The following IMMP2L variants were observed in gnomAD, a reference collection of about 807,000 sequenced individuals.
The protein encoded by IMMP2L is inner mitochondrial membrane peptidase subunit 2, also known as mitochondrial inner membrane protease subunit 2.
A neutral mutation model predicts 19.3 loss-of-function variants in IMMP2L; 18 were observed. That is an observed-to-expected ratio of 0.93 (90% CI 0.64 to 1.38). The LOEUF is 1.38. IMMP2L is among the 40% of genes most tolerant of loss of function. The probability of loss-of-function intolerance (pLI) is 0.00; values close to 1 mark genes in which losing one functional copy is unlikely to be tolerated. For synonymous variants in IMMP2L, 76 were observed against 73.0 expected (o/e 1.04, Z -0.21); for missense variants, 233 against 218.2 (o/e 1.07, Z -0.43).
At chr7:111,545,467 C>T (rs1311022661) in intron 1 of IMMP2L, among the ~76,000 whole-genome samples, 3 of 152,046 alleles carry the variant, frequency 2.0e-5, no homozygotes, top group Non-Finnish European at 2.9e-5. Flanking sequence ...CTCAGCTCAC[C>T]GCAACCTCTG....
chr7:111,284,457 GA>G lies in IMMP2L; in HGVS notation c.239+202780del, dbSNP rs374346347. On this transcript the variant is annotated intron_variant, in intron 3 of 5. Transcript: ENST00000405709. ...GGAGTAGGACTGAGAAATTGGCCAAGAAAAAAAAAATGTATTTAGTTCATGG... is the reference window on the plus strand; with the variant it reads ...GGAGTAGGACTGAGAAATTGGCCAAGAAAAAAAAATGTATTTAGTTCATGG... 6.7e-5 allele frequency among the ~76,000 whole-genome samples: 10 copies of G among 148,262 alleles called. No homozygotes were observed. In the South Asian group the frequency reaches 8.5e-4, roughly 13 times the overall value.
intron 4 of IMMP2L, among the ~76,000 whole-genome samples, chr7:110,938,878 C>T (rs878873217): frequency 6.6e-6 from 1 of 151,982 alleles, no homozygotes; most frequent in South Asian, 2.1e-4. Context: ...CTTTTATATG[C>T]AAATAATTTT....
intron 5 of IMMP2L, among the ~76,000 whole-genome samples, chr7:110,834,538 C>T (rs541418332): frequency 1.3e-5 from 2 of 152,148 alleles, no homozygotes; most frequent in Non-Finnish European, 2.9e-5. Flanking sequence ...AAGCTTTGTG[C>T]TCCGTCCTTC....
intron 3 of IMMP2L, among the ~76,000 whole-genome samples, chr7:111,413,928 T>C (rs1563161799): frequency 3.3e-5 from 5 of 151,736 alleles, no homozygotes; most frequent in African/African-American, 1.2e-4. Context: ...ATCACAAAGA[T>C]ACCCAGTGAT....
At chr7:110,935,167 C>T (rs1248707149) in intron 4 of IMMP2L, among the ~76,000 whole-genome samples, 2 of 152,134 alleles carry the variant, frequency 1.3e-5, no homozygotes, top group African/African-American at 4.8e-5. Flanking sequence ...GTGCTTCCTT[C>T]AGGAGCTCTT....
At chr7:110,948,757 G>A (rs1024612378) in intron 4 of IMMP2L, among the ~76,000 whole-genome samples, 2 of 152,156 alleles carry the variant, frequency 1.3e-5, no homozygotes, top group Non-Finnish European at 2.9e-5. Flanking sequence ...ACTGGTAAAG[G>A]TTTATTTCTG....
chr7:111,349,100 A>G (rs564477573), intron 3 of IMMP2L, among the ~76,000 whole-genome samples: 47 of 152,192 alleles, frequency 3.1e-4, no homozygotes, highest in Admixed American at 6.6e-4. Flanking sequence ...TGCCATGAGG[A>G]AAAAAATGAT....
intron 1 of IMMP2L, among the ~76,000 whole-genome samples, chr7:111,556,588 G>T (rs1187080974): frequency 6.9e-6 from 1 of 144,256 alleles, no homozygotes; most frequent in Non-Finnish European, 1.5e-5. Context: ...CCACTACAAT[G>T]AAACCAGTGA....
At chr7:111,102,636 G>A (rs1156366078) in intron 3 of IMMP2L, among the ~76,000 whole-genome samples, 3 of 151,538 alleles carry the variant, frequency 2.0e-5, no homozygotes, top group Non-Finnish European at 4.4e-5. Context: ...AAGCCCACAA[G>A]TATAATAAAA....
intron 3 of IMMP2L, among the ~76,000 whole-genome samples, chr7:111,100,383 GTATA>G: frequency 6.7e-6 from 1 of 148,444 alleles, no homozygotes; most frequent in East Asian, 2.0e-4. Flanking sequence ...AAGATCAGGA[GTATA>G]TATATATAAT....
intron 4 of IMMP2L, among the ~76,000 whole-genome samples, chr7:110,890,534 G>T (rs1053137098): frequency 6.6e-5 from 10 of 152,116 alleles, no homozygotes; most frequent in Admixed American, 5.9e-4. Context: ...GACTGCCAAA[G>T]AAATATAATA....
intron 5 of IMMP2L, among the ~76,000 whole-genome samples, chr7:110,812,454 A>G (rs1020619293): frequency 6.6e-6 from 1 of 152,042 alleles, no homozygotes; most frequent in African/African-American, 2.4e-5. Context: ...AAAAATGGAG[A>G]CAGAAATGCA....
chr7:110,878,702 T>C (rs186183184), intron 5 of IMMP2L, among the ~76,000 whole-genome samples: 309 of 152,052 alleles, frequency 2.0e-3, no homozygotes, highest in Non-Finnish European at 3.2e-3. Context: ...AGAAAAAAAA[T>C]GTAAAAATGT....
chr7:111,132,072 T>C (rs1469964599), intron 3 of IMMP2L, among the ~76,000 whole-genome samples: 2 of 151,976 alleles, frequency 1.3e-5, no homozygotes, highest in Non-Finnish European at 2.9e-5. Context: ...AATATTCCTA[T>C]CTCAGTTTCG....
At chr7:111,475,230 C>T (rs1841616444) in intron 3 of IMMP2L, among the ~76,000 whole-genome samples, 1 of 151,958 alleles carries the variant, frequency 6.6e-6, no homozygotes, top group South Asian at 2.1e-4. Flanking sequence ...GAGGTTTCTC[C>T]TTAATGGAAA....
intron 3 of IMMP2L, among the ~76,000 whole-genome samples, chr7:111,011,090 G>A (rs1187216448): frequency 2.0e-5 from 3 of 152,016 alleles, no homozygotes; most frequent in East Asian, 1.9e-4. Flanking sequence ...AGAAGTGAGT[G>A]GCACTGACGA....
chr7:111,186,765 A>T (rs1562900873), intron 3 of IMMP2L, among the ~76,000 whole-genome samples: 1 of 152,038 alleles, frequency 6.6e-6, no homozygotes, highest in Non-Finnish European at 1.5e-5. Flanking sequence ...TGATGAGGTA[A>T]TCAATTTCAG....
At chr7:111,154,643 G>C (rs1275057535) in intron 3 of IMMP2L, among the ~76,000 whole-genome samples, 2 of 152,164 alleles carry the variant, frequency 1.3e-5, no homozygotes, top group African/African-American at 4.8e-5. Context: ...CTTACTTGCT[G>C]TGAACTAGGG....
At chr7:111,100,005 T>A (rs1236727246) in intron 3 of IMMP2L, 1 of 151,716 alleles carries the variant, frequency 6.6e-6, no homozygotes, top group African/African-American at 2.4e-5. Flanking sequence ...TTTGATTCCA[T>A]GAGGGAACTG....
Sources: allele counts gnomAD v4.1 joint callset (sites outside exome capture counted in the v4.1 genomes callset), GRCh38; gene constraint gnomAD v4.1.1; transcripts MANE v1.5; gene names NCBI Gene and HGNC (gene_info 2026-07-23, HGNC 2026-07-21).